The following PRKAG3 variants were observed in gnomAD, a reference collection of about 807,000 sequenced individuals.
PRKAG3 encodes protein kinase AMP-activated non-catalytic subunit gamma 3.
PRKAG3 carries 39 observed loss-of-function variants against 56.5 expected under a neutral mutation model. The ratio of observed to expected loss-of-function variants is 0.69; its 90% confidence interval spans 0.53 to 0.90. The LOEUF (loss-of-function observed/expected upper bound fraction) is 0.90, where lower values mean the gene tolerates loss of function less well. Ranked by LOEUF, PRKAG3 falls within the 40% of genes least tolerant of loss-of-function variation. The pLI is 0.00. For synonymous variants in PRKAG3, 243 were observed against 250.1 expected (o/e 0.97, Z 0.27); for missense variants, 628 against 627.5 (o/e 1.00, Z -0.01).
In PRKAG3 at chr2:218,831,387, A is replaced by C. The variant is rs749121488; in HGVS notation, c.34-12T>G. 1.9e-5 allele frequency: 30 copies of C among 1,596,586 alleles called. No individual in the cohort carries two copies. Among genetic ancestry groups the C allele is most frequent in the Non-Finnish European group, 2.5e-5 (29 of 1,171,636 alleles). ...CTCCAGGAAGGGGTCTGTGGGGAGA[A>C]GAGTTTCTGAAGGAGTGGGGAAAGT... On this transcript the variant is annotated splice_polypyrimidine_tract_variant and intron_variant, in intron 1 of 12. Transcript: ENST00000529249.
exon 12 of PRKAG3, chr2:218,824,236 T>A: frequency 6.2e-7 from 1 of 1,614,044 alleles, no homozygotes; most frequent in Non-Finnish European, 8.5e-7. Context: ...TCCCGAGCAA[T>A]CCTGTCGATC....
chr2:218,828,317 G>T (rs1049133766), intron 5 of PRKAG3, among the ~76,000 whole-genome samples: 6 of 152,194 alleles, frequency 3.9e-5, no homozygotes, highest in African/African-American at 1.4e-4. Context: ...TGGTCATAGC[G>T]GCTCCACAGA....
At chr2:218,831,399 G>A (rs768498860) in intron 1 of PRKAG3, 24 bp from the exon 2 acceptor site, 3 of 1,589,192 alleles carry the variant, frequency 1.9e-6, no homozygotes, top group Non-Finnish European at 2.6e-6. Context: ...AGTTTCTGAA[G>A]GAGTGGGGAA....
rs925846120 is a variant in PRKAG3 at position 218,830,515 on chromosome 2, C to T, written c.230-134G>A. ...GCCCTATTTGCAGGTGAGGGGCTGA[C>T]CTGAGAGTCGCCCCAGGTAGTGGCT... On this transcript the variant is annotated intron_variant, in intron 3 of 12. Coordinates refer to ENST00000529249, the Ensembl canonical transcript of PRKAG3. 13 of 1,264,958 alleles carry T rather than the reference C, an allele frequency of 1.0e-5. No individual in the cohort carries two copies. The Admixed American group carries it at 2.3e-4, about 22-fold the overall frequency. 78.4% of individuals were successfully genotyped at this position (1,264,958 alleles called of 1,614,324 possible).
Position 218,829,938 on chromosome 2 carries a change from A to T in PRKAG3, c.633+40T>A, listed in dbSNP as rs755569502. The T allele has an allele frequency of 8.2e-5, 130 of 1,594,106 alleles. 1 individual carries two copies. The South Asian group carries it at 1.4e-3, about 17-fold the overall frequency. ...GAGTGGCGGCTGCAGCACCGTGTGG[A>T]TGGAGAGTGAGTACAGGTTGGGCAG... On this transcript the variant is annotated intron_variant, in intron 4 of 12. Transcript: ENST00000529249.
At position 218,831,389 on chromosome 2, in the gene PRKAG3, A is replaced by C; in HGVS notation, c.34-14T>G. On this transcript the variant is annotated splice_polypyrimidine_tract_variant and intron_variant, in intron 1 of 12. Coordinates refer to ENST00000529249, the Ensembl canonical transcript of PRKAG3. ...CCAGGAAGGGGTCTGTGGGGAGAAG[A>C]GTTTCTGAAGGAGTGGGGAAAGTGC... is the stretch of plus-strand genomic sequence containing the variant. The C allele has an allele frequency of 1.3e-6, 2 of 1,595,706 alleles. No homozygotes were observed. Among genetic ancestry groups the C allele is most frequent in the Non-Finnish European group, 1.7e-6 (2 of 1,171,032 alleles).
rs376280147 is a variant in PRKAG3 at position 218,827,265 on chromosome 2, G to T, written c.984C>A (p.Leu328=). ...GGCTTACAAAGATGTGCAGGAACTT[G>T]AGCAGGCGTTTGTGTGTGAGGATGT... Residue 328 remains leucine, a synonymous_variant, in exon 9 of 13, where the codon CTC becomes CTA. Transcript: ENST00000529249. This position sits in a 1 kb window ranked among gnomAD's most constrained non-coding sequence, Gnocchi z 5.3. 1 of 1,614,060 alleles carries T rather than the reference G, an allele frequency of 6.2e-7. No homozygotes were observed. The highest frequency in any genetic ancestry group is 1.3e-5 in the African/African-American group (1 of 74,922).
rs780962142 is a variant in PRKAG3 at position 218,827,595 on chromosome 2, G to T, written c.855C>A (p.Val285=). 1.2e-6 allele frequency: 2 copies of T among 1,614,072 alleles called. No individual in the cohort carries two copies. Among genetic ancestry groups the T allele is most frequent in the South Asian group, 1.1e-5 (1 of 91,052 alleles). ...CCCACCTATCATTAGGAGAGATGGAGACCAGAGGCTTGAAGCAGCCTTGCA... is the reference window on the plus strand; with the variant it reads ...CCCACCTATCATTAGGAGAGATGGATACCAGAGGCTTGAAGCAGCCTTGCA... Residue 285 remains valine (V), a synonymous_variant, in exon 8 of 13, where the codon GTC becomes GTA. Coordinates refer to ENST00000529249, the Ensembl canonical transcript of PRKAG3. This position sits in a 1 kb window ranked among gnomAD's most constrained non-coding sequence, Gnocchi z 5.3.
In PRKAG3 at chr2:218,831,376, C is replaced by T. The variant is rs563266146; in HGVS notation, c.34-1G>A. The stretch of plus-strand genomic sequence containing the variant: ...CCCCAAGGCTGCTCCAGGAAGGGGT[C>T]TGTGGGGAGAAGAGTTTCTGAAGGA... On this transcript the variant is annotated splice_acceptor_variant, in intron 1 of 12. Transcript: ENST00000529249. LOFTEE classifies it high-confidence loss of function. 5 of 1,601,490 alleles carry T rather than the reference C, an allele frequency of 3.1e-6. No homozygotes were observed. The highest frequency in any genetic ancestry group is 4.3e-6 in the Non-Finnish European group (5 of 1,174,206).
rs566788708 is a variant in PRKAG3 at position 218,826,001 on chromosome 2, C to T, written c.1168+927G>A. ...GTCTCGATCTCTTGACCTCGTGATC[C>T]GCCCACCTTGGCCTCCCAAAGTGCT... On this transcript the variant is annotated intron_variant, in intron 10 of 12. Transcript: ENST00000529249. 5.9e-5 allele frequency among the ~76,000 whole-genome samples: 9 copies of T among 152,120 alleles called. No individual in the cohort carries two copies. The East Asian group carries it at 9.7e-4, about 16-fold the overall frequency.
chr2:218,823,903 G>A (rs752017064), intron 12 of PRKAG3, 25 bp from the exon 13 acceptor site: 5 of 1,604,298 alleles, frequency 3.1e-6, no homozygotes, highest in South Asian at 1.1e-5. Context: ...TGTTCAGTGA[G>A]GGGGCAGAGC....
In PRKAG3 at chr2:218,827,879, C is replaced by T; in HGVS notation, c.775-1G>A. The stretch of plus-strand genomic sequence containing the variant: ...GTTGTTCAATCTCATAGATCTGGAC[C>T]TAGAGACATCGACAGGACTCCAGAA... On this transcript the variant is annotated splice_acceptor_variant, in intron 6 of 12. Coordinates refer to ENST00000529249, the Ensembl canonical transcript of PRKAG3. LOFTEE classifies it high-confidence loss of function. This position sits in a 1 kb window ranked among gnomAD's most constrained non-coding sequence, Gnocchi z 5.3. The T allele has an allele frequency of 6.2e-7, 1 of 1,614,096 alleles. No homozygotes were observed. Among genetic ancestry groups the T allele is most frequent in the Non-Finnish European group, 8.5e-7 (1 of 1,179,986 alleles).
At chr2:218,824,199 C>T in intron 12 of PRKAG3, 23 bp downstream of exon 12, 1 of 1,614,030 alleles carries the variant, frequency 6.2e-7, no homozygotes, top group East Asian at 2.2e-5. Context: ...GTGTTGGGGG[C>T]ATGAATGGAG....
intron 10 of PRKAG3, among the ~76,000 whole-genome samples, chr2:218,825,332 T>TCGC (rs1943916248): frequency 8.1e-6 from 1 of 123,854 alleles, no homozygotes; most frequent in Non-Finnish European, 1.5e-5. Context: ...CAAGACTCTG[T>TCGC]CTCAAAAAAA....
chr2:218,826,877 G>A (rs753813639), intron 10 of PRKAG3, 51 bp downstream of exon 10: 16 of 1,607,170 alleles, frequency 1.0e-5, no homozygotes, highest in African/African-American at 4.0e-5. Flanking sequence ...TCCCCACCAG[G>A]TTCTCCCAGG....
rs992172155 is a variant in PRKAG3 at position 218,827,506 on chromosome 2, G to T, written c.875+69C>A. On this transcript the variant is annotated intron_variant, in intron 8 of 12. Coordinates refer to ENST00000529249, the Ensembl canonical transcript of PRKAG3. This position sits in a 1 kb window ranked among gnomAD's most constrained non-coding sequence, Gnocchi z 5.3. ...CGCCTAGGATGAAGAGGTGAGTTCA[G>T]AGCTGAGTGGGACTGGGGAAGGGGA... The T allele has an allele frequency of 1.4e-5, 23 of 1,601,528 alleles. No individual in the cohort carries two copies. Among genetic ancestry groups the T allele is most frequent in the Non-Finnish European group, 1.8e-5 (21 of 1,169,026 alleles).
rs755272279 is a variant in PRKAG3 at position 218,830,910 on chromosome 2, G to T, written c.74-9C>A. 6.2e-7 allele frequency: 1 copy of T among 1,613,242 alleles called. No homozygotes were observed. The highest frequency in any genetic ancestry group is 2.2e-5 in the East Asian group (1 of 44,898). On this transcript the variant is annotated splice_polypyrimidine_tract_variant and intron_variant, in intron 2 of 12. Coordinates refer to ENST00000529249, the Ensembl canonical transcript of PRKAG3. ...CTCTAGGAAGCTCATCTCTGGAAGG[G>T]GAATGGGGCCTGTTTGGTTAATAGG...
chr2:218,823,110 C>T (rs1009836930), downstream of PRKAG3: 7 of 911,072 alleles, frequency 7.7e-6, no homozygotes, highest in Admixed American at 3.5e-4. Context: ...ATGGTGACCA[C>T]ATAGGAGGGA....
At chr2:218,825,335 CAA>C (rs3078328) in intron 10 of PRKAG3, among the ~76,000 whole-genome samples, 5,060 of 70,996 alleles carry the variant, frequency 0.071, 272 homozygotes, top group African/African-American at 0.18. Context: ...GACTCTGTCT[CAA>C]AAAAAAAAAA....
Sources: gnomAD v4.1 joint callset for allele counts (sites outside exome capture counted in the v4.1 genomes callset) on GRCh38, gnomAD v4.1.1 for gene constraint, Gnocchi (gnomAD v3.1) non-coding constraint, MANE v1.5 for transcripts, NCBI Gene and HGNC (gene_info 2026-07-23, HGNC 2026-07-21) for gene names.